Variants in SEMA3A observed in about 807,000 individuals in gnomAD.
The protein encoded by SEMA3A is semaphorin-3A.
In SEMA3A, 29 loss-of-function variants were observed where a neutral mutation model predicts 97.9. The observed-to-expected ratio is 0.30, with a 90% CI of 0.22 to 0.40. The LOEUF (loss-of-function observed/expected upper bound fraction) is 0.40. Among genes scored for constraint, SEMA3A ranks in the 10% least tolerant of loss-of-function variants. SEMA3A has a pLI of 1.00. For synonymous variants in SEMA3A, 321 were observed against 323.7 expected, an observed-to-expected ratio of 0.99 and a Z score of 0.09; for missense variants, 763 against 951.3, an observed-to-expected ratio of 0.80 and a Z score of 2.60.
chr7:84,142,548 C>T (rs1354635319), intron 1 of SEMA3A, among the ~76,000 whole-genome samples: 2 of 152,102 alleles, frequency 1.3e-5, no homozygotes, highest in African/African-American at 4.8e-5. Flanking sequence ...TCCGTAAACA[C>T]TTCTAAGGAG....
intron 6 of SEMA3A, among the ~76,000 whole-genome samples, chr7:84,035,011 C>T (rs1050737647): frequency 6.6e-6 from 1 of 151,872 alleles, no homozygotes; most frequent in Non-Finnish European, 1.5e-5. Context: ...TATTTTCTAC[C>T]TTTTCCCATA....
At chr7:84,066,258 A>G (rs1793489346) in intron 4 of SEMA3A, among the ~76,000 whole-genome samples, 1 of 152,150 alleles carries the variant, frequency 6.6e-6, no homozygotes, top group African/African-American at 2.4e-5. Flanking sequence ...TTAGGTATTG[A>G]TGGGACGTAT....
intron 1 of SEMA3A, among the ~76,000 whole-genome samples, chr7:84,138,425 T>C (rs577369566): frequency 6.6e-6 from 1 of 152,202 alleles, no homozygotes; most frequent in Non-Finnish European, 1.5e-5. Flanking sequence ...GGAATGACTT[T>C]CTATATCACA....
chr7:84,122,721 T>G (rs866058478), intron 3 of SEMA3A, among the ~76,000 whole-genome samples: 5 of 152,202 alleles, frequency 3.3e-5, no homozygotes, highest in Non-Finnish European at 5.9e-5. Context: ...CATTTTGGAA[T>G]GCACTGTAAC....
chr7:84,356,124 A>G (rs1802554609), intron 2 of SEMA3A, among the ~76,000 whole-genome samples: 1 of 151,912 alleles, frequency 6.6e-6, no homozygotes, highest in African/African-American at 2.4e-5. Flanking sequence ...TTGAATATTA[A>G]AAGTATTGTT....
At chr7:84,336,027 T>C (rs1180868604) in intron 2 of SEMA3A, among the ~76,000 whole-genome samples, 2 of 152,142 alleles carry the variant, frequency 1.3e-5, no homozygotes, top group African/African-American at 4.8e-5. Context: ...GTATTTATAA[T>C]ATTGGACAAG....
chr7:84,124,063 T>C (rs1016491273), intron 3 of SEMA3A, among the ~76,000 whole-genome samples: 3 of 152,200 alleles, frequency 2.0e-5, no homozygotes, highest in South Asian at 2.1e-4. Context: ...ACACAGAAAC[T>C]ATGTAGGTTC....
At chr7:84,340,078 A>G (rs1191676294) in intron 2 of SEMA3A, among the ~76,000 whole-genome samples, 1 of 152,142 alleles carries the variant, frequency 6.6e-6, no homozygotes, top group African/African-American at 2.4e-5. Flanking sequence ...TAAAATTACC[A>G]TACTGTGATG....
At chr7:84,224,512 A>C (rs1224493223) in intron 3 of SEMA3A, among the ~76,000 whole-genome samples, 1 of 152,060 alleles carries the variant, frequency 6.6e-6, no homozygotes, top group East Asian at 1.9e-4. Context: ...TTTAAAAAAA[A>C]CAGACAACAT....
At chr7:84,344,913 A>G (rs867301621) in intron 2 of SEMA3A, among the ~76,000 whole-genome samples, 73 of 152,330 alleles carry the variant, frequency 4.8e-4, no homozygotes, top group African/African-American at 1.8e-3. Flanking sequence ...ACACTGAAAT[A>G]AAATATTTTG....
At chr7:84,041,291 C>G (rs1461622800) in intron 6 of SEMA3A, among the ~76,000 whole-genome samples, 1 of 151,702 alleles carries the variant, frequency 6.6e-6, no homozygotes, top group East Asian at 1.9e-4. Context: ...ATTTTGGTAA[C>G]TTTTAGTTCT....
chr7:84,095,109 G>C (rs932496657), intron 4 of SEMA3A, among the ~76,000 whole-genome samples: 13 of 145,950 alleles, frequency 8.9e-5, no homozygotes, highest in African/African-American at 3.3e-4. Context: ...ATATACTGTG[G>C]ATCTCTCTAT....
intron 6 of SEMA3A, among the ~76,000 whole-genome samples, chr7:84,041,696 T>TAA (rs370794412): frequency 1.3e-5 from 2 of 152,232 alleles, no homozygotes; most frequent in African/African-American, 4.8e-5. Flanking sequence ...TCATTGACTA[T>TAA]AAAAACTAAG....
At chr7:84,356,687 C>G (rs1260698497) in intron 2 of SEMA3A, among the ~76,000 whole-genome samples, 1 of 151,748 alleles carries the variant, frequency 6.6e-6, no homozygotes, top group Non-Finnish European at 1.5e-5. Context: ...ATAAAGTAAA[C>G]TTGGTACATA....
intron 3 of SEMA3A, among the ~76,000 whole-genome samples, chr7:84,121,483 T>C (rs927866314): frequency 2.6e-5 from 4 of 151,460 alleles, no homozygotes; most frequent in African/African-American, 9.7e-5. Context: ...GTCCTTGCGA[T>C]AGTTTGCTCA....
chr7:84,430,445 A>C (rs1804949055), intron 1 of SEMA3A, among the ~76,000 whole-genome samples: 1 of 152,060 alleles, frequency 6.6e-6, no homozygotes, highest in Non-Finnish European at 1.5e-5. Context: ...GTTGACAAAC[A>C]TGGTTGTTAA....
chr7:84,168,051 A>G (rs983620652), intron 1 of SEMA3A, among the ~76,000 whole-genome samples: 12 of 152,128 alleles, frequency 7.9e-5, no homozygotes, highest in Admixed American at 1.3e-4. Context: ...TATCTCACTC[A>G]GTAAGTGAGG....
chr7:84,038,324 T>C (rs1792015575), intron 6 of SEMA3A, among the ~76,000 whole-genome samples: 2 of 152,304 alleles, frequency 1.3e-5, no homozygotes, highest in Non-Finnish European at 2.9e-5. Flanking sequence ...TGCATTTTAC[T>C]ACATTTTTAG....
chr7:84,316,130 C>CAAAAAA lies in SEMA3A; in HGVS notation c.-168-8844_-168-8839dup, dbSNP rs202005657. Among the ~76,000 whole-genome samples the CAAAAAA allele has an allele frequency of 5.4e-3, 162 of 30,208 alleles. 9 individuals carry two copies. The highest frequency in any genetic ancestry group is 0.014 in the East Asian group (27 of 1,900). The allele number at this position is 30,208 out of a possible 152,430, so 19.8% of individuals were successfully genotyped here. A position where few individuals can be genotyped will look rare whatever the true frequency, so the allele number is the denominator to read the frequency against. On this transcript the variant is annotated intron_variant, in intron 2 of 3. Coordinates refer to the SEMA3A transcript ENST00000424555. ...TGCACAATATAGGAAGACTCTATCT[C>CAAAAAA]AAAAAAAAAAAAAAAAAAAAAAAAA...
Sources: gnomAD v4.1 joint callset for allele counts (sites outside exome capture counted in the v4.1 genomes callset) on GRCh38, gnomAD v4.1.1 for gene constraint, MANE v1.5 for transcripts, NCBI Gene and HGNC (gene_info 2026-07-23, HGNC 2026-07-21) for gene names.